NCAM2: variants seen among roughly 807,000 people sequenced by gnomAD.
The protein encoded by NCAM2 is N-CAM-2.
Under a neutral mutation model 98.1 loss-of-function variants are expected in NCAM2, and 30 were observed. The observed-to-expected ratio is 0.31, with a 90% CI of 0.23 to 0.41. NCAM2 has a LOEUF of 0.41. NCAM2 is among the 10% of genes least tolerant of loss of function. NCAM2 has a pLI of 1.00. For synonymous variants in NCAM2, 368 were observed against 342.4 expected (o/e 1.07, Z -0.83); for missense variants, 867 against 1,005.8 (o/e 0.86, Z 1.87).
intron 14 of NCAM2, among the ~76,000 whole-genome samples, chr21:21,475,372 C>T (rs1993667): frequency 0.46 from 70,507 of 151,856 alleles, 17,431 homozygotes; most frequent in Non-Finnish European, 0.55. Flanking sequence ...GGCTGGTTTG[C>T]AAACTACAAC....
chr21:21,477,009 T>TA (rs377606550), intron 14 of NCAM2, among the ~76,000 whole-genome samples: 4,694 of 144,730 alleles, frequency 0.032, 72 homozygotes, highest in Middle Eastern at 0.068. Context: ...ATATGTGAAA[T>TA]AAAAAAAAAA....
chr21:21,350,020 T>C (rs2075292569), intron 8 of NCAM2, among the ~76,000 whole-genome samples: 1 of 151,970 alleles, frequency 6.6e-6, no homozygotes, highest in African/African-American at 2.4e-5. Flanking sequence ...ACAGGGTGAG[T>C]ATAGTTAATA....
At chr21:21,457,350 G>A (rs894113075) in intron 12 of NCAM2, among the ~76,000 whole-genome samples, 10 of 152,256 alleles carry the variant, frequency 6.6e-5, no homozygotes, top group Non-Finnish European at 8.8e-5. Flanking sequence ...TTGTTAAAAA[G>A]TGGCAAAGAG....
Position 21,415,330 on chromosome 21 carries a change from C to CTTT in NCAM2, c.1384-3119_1384-3117dup, listed in dbSNP as rs34997215. Among the ~76,000 whole-genome samples, 119 of 70,830 alleles carry CTTT rather than the reference C, an allele frequency of 1.7e-3. 16 individuals are homozygous for CTTT. The highest frequency in any genetic ancestry group is 5.3e-3 in the African/African-American group (89 of 16,642). The allele number at this position is 70,830 out of a possible 152,430, so 46.5% of individuals were successfully genotyped here. A position where few individuals can be genotyped will look rare whatever the true frequency, so the allele number is the denominator to read the frequency against. On this transcript the variant is annotated intron_variant, in intron 10 of 17. Transcript: ENST00000400546. ...ATTCCATCAATGATCTTAGCTTGAT[C>CTTT]TTTTTTTTTTTTTTTTTTTTTTTTT...
At chr21:21,272,510 A>ACGCG (rs58331043) in intron 1 of NCAM2, among the ~76,000 whole-genome samples, 2 of 53,970 alleles carry the variant, frequency 3.7e-5, no homozygotes, top group Non-Finnish European at 8.0e-5. Context: ...GCGCGCGCGC[A>ACGCG]CACACACACA....
At chr21:21,145,973 T>C (rs1326476907) in intron 1 of NCAM2, among the ~76,000 whole-genome samples, 1 of 152,160 alleles carries the variant, frequency 6.6e-6, no homozygotes, top group Non-Finnish European at 1.5e-5. Flanking sequence ...AGCTGGCACA[T>C]AGACAGCAAA....
intron 1 of NCAM2, among the ~76,000 whole-genome samples, chr21:21,233,840 G>A (rs1418162430): frequency 1.3e-5 from 2 of 151,592 alleles, no homozygotes; most frequent in Admixed American, 1.3e-4. Context: ...TACCATTTTT[G>A]TTTGGTCTTA....
chr21:21,280,829 T>C (rs1369713130), intron 2 of NCAM2, among the ~76,000 whole-genome samples, 177 bp downstream of exon 2: 1 of 152,188 alleles, frequency 6.6e-6, no homozygotes. Flanking sequence ...TCTCCCAGAC[T>C]GGAGGGCGGT....
At chr21:21,273,070 G>T (rs1185638539) in intron 1 of NCAM2, among the ~76,000 whole-genome samples, 1 of 151,862 alleles carries the variant, frequency 6.6e-6, no homozygotes, top group African/African-American at 2.4e-5. Flanking sequence ...GCATATAGAA[G>T]CTGAGTCTCA....
In NCAM2 at chr21:21,385,720, G is replaced by T. The variant is rs543620592; in HGVS notation, c.1195+11707G>T. ...ATTTCTAAAACAAAGGAGAAAACAG[G>T]CATGTGATATACAGTTTAATGCAGT... On this transcript the variant is annotated intron_variant, in intron 9 of 17. Transcript: ENST00000400546. The T allele has an allele frequency of 7.8e-5, 93 of 1,187,446 alleles. No individual in the cohort carries two copies. The South Asian group carries it at 1.0e-3, about 13-fold the overall frequency. The allele number at this position is 1,187,446 out of a possible 1,614,324, so 73.6% of individuals were successfully genotyped here. A position where few individuals can be genotyped will look rare whatever the true frequency, so the allele number is the denominator to read the frequency against.
intron 16 of NCAM2, among the ~76,000 whole-genome samples, chr21:21,515,554 A>G (rs1303292850): frequency 1.3e-5 from 2 of 152,176 alleles, no homozygotes; most frequent in Non-Finnish European, 1.5e-5. Context: ...TCCTAACAAG[A>G]TATTATCTCT....
intron 1 of NCAM2, among the ~76,000 whole-genome samples, chr21:21,008,182 A>G (rs1032801525): frequency 2.0e-5 from 3 of 152,046 alleles, no homozygotes. Flanking sequence ...AAAATTACTT[A>G]CTTAGATAAA....
chr21:21,224,474 A>C (rs1329302128), intron 1 of NCAM2, among the ~76,000 whole-genome samples: 1 of 152,176 alleles, frequency 6.6e-6, no homozygotes, highest in Non-Finnish European at 1.5e-5. Flanking sequence ...GTTTTAAATA[A>C]TTGTTTGTAC....
intron 1 of NCAM2, among the ~76,000 whole-genome samples, chr21:21,017,738 G>C (rs1351868899): frequency 6.6e-6 from 1 of 152,116 alleles, no homozygotes; most frequent in Non-Finnish European, 1.5e-5. Flanking sequence ...GGATAGCTAT[G>C]CTTTTTCTTT....
At chr21:21,424,476 C>G (rs574494459) in intron 11 of NCAM2, among the ~76,000 whole-genome samples, 1 of 152,122 alleles carries the variant, frequency 6.6e-6, no homozygotes, top group African/African-American at 2.4e-5. Context: ...GATTGGAGTT[C>G]TTGGAAAAGG....
chr21:21,066,584 C>T lies in NCAM2; in HGVS notation c.55+67966C>T, dbSNP rs918646798. Among the ~76,000 whole-genome samples the T allele has an allele frequency of 6.6e-5, 10 of 151,948 alleles. 1 individual carries two copies. The highest frequency in any genetic ancestry group is 2.0e-4 in the Admixed American group (3 of 15,252). ...ACATGCTACTATTGATGCCTCTATG[C>T]GCAAGAAAGTTCAATATAAGTATAA... On this transcript the variant is annotated intron_variant, in intron 1 of 17. Coordinates refer to ENST00000400546, the MANE Select transcript of NCAM2 (RefSeq NM_004540.5).
chr21:21,300,191 A>G (rs2073657658), intron 5 of NCAM2, among the ~76,000 whole-genome samples: 1 of 151,986 alleles, frequency 6.6e-6, no homozygotes. Flanking sequence ...AGCCAGAAAA[A>G]GAATGCAAAG....
chr21:21,261,968 TTAAC>T (rs1010053264), intron 1 of NCAM2, among the ~76,000 whole-genome samples: 11 of 152,090 alleles, frequency 7.2e-5, no homozygotes, highest in African/African-American at 1.9e-4. Flanking sequence ...GCTAGCTAGA[TTAAC>T]TAAGAAAAAA....
intron 1 of NCAM2, among the ~76,000 whole-genome samples, chr21:21,169,289 A>G (rs1051953187): frequency 1.3e-5 from 2 of 152,162 alleles, no homozygotes; most frequent in African/African-American, 4.8e-5. Flanking sequence ...AATTAATTCA[A>G]AATGGATCGA....
Sources: gnomAD v4.1 joint callset for allele counts (sites outside exome capture counted in the v4.1 genomes callset) on GRCh38, gnomAD v4.1.1 for gene constraint, MANE v1.5 for transcripts, NCBI Gene and HGNC (gene_info 2026-07-23, HGNC 2026-07-21) for gene names.